GRIP2: variants seen among roughly 807,000 people sequenced by gnomAD.
GRIP2 encodes glutamate receptor-interacting protein 2.
Under a neutral mutation model 108.3 loss-of-function variants are expected in GRIP2, and 58 were observed. That is an observed-to-expected ratio of 0.54 (90% CI 0.43 to 0.67). The LOEUF (loss-of-function observed/expected upper bound fraction) is 0.67, where lower values mean the gene tolerates loss of function less well. GRIP2 is among the 30% of genes least tolerant of loss of function. The probability of loss-of-function intolerance (pLI) is 0.00; values close to 1 mark genes in which losing one functional copy is unlikely to be tolerated. For missense variants in GRIP2, 1,278 were observed against 1,430.6 expected (o/e 0.89, Z 1.72); for synonymous variants, 586 against 598.2 (o/e 0.98, Z 0.30).
chr3:14,570,049 G>C, the GRIP2 span, among the ~76,000 whole-genome samples: 1 of 152,164 alleles, frequency 6.6e-6, no homozygotes, highest in Non-Finnish European at 1.5e-5. Context: ...TCTGGGATTT[G>C]AACCCAGGCT....
upstream of GRIP2, among the ~76,000 whole-genome samples, chr3:14,559,487 T>C (rs1695286599): frequency 6.6e-6 from 1 of 150,516 alleles, no homozygotes; most frequent in Admixed American, 6.6e-5. Flanking sequence ...GATCCAGTAG[T>C]TTCTAATGGT....
chr3:14,516,170 G>T (rs1296894556), intron 11 of GRIP2, among the ~76,000 whole-genome samples: 1 of 152,118 alleles, frequency 6.6e-6, no homozygotes, highest in Non-Finnish European at 1.5e-5. Context: ...CACTTTGGTG[G>T]CCAGGAAAGG....
intron 11 of GRIP2, among the ~76,000 whole-genome samples, chr3:14,515,899 G>A (rs886645289): frequency 1.3e-5 from 2 of 151,948 alleles, no homozygotes; most frequent in Admixed American, 1.3e-4. Context: ...CCAAAGTGTG[G>A]GGATTACAGG....
the GRIP2 span, among the ~76,000 whole-genome samples, chr3:14,599,356 A>C: frequency 3.3e-4 from 51 of 152,340 alleles, 1 homozygote; most frequent in South Asian, 0.01. Context: ...GCCACACCAC[A>C]GGAAGAATCT....
In GRIP2 at chr3:14,520,543, A is replaced by G; in HGVS notation, c.713-6T>C. ...CGAAGCATTAGCCACCGTGTCTGGC[A>G]TGACGGAGAAAAAAAGTTTGAAATG... On this transcript the variant is annotated splice_region_variant and splice_polypyrimidine_tract_variant and intron_variant, in intron 7 of 23. Transcript: ENST00000621039. 5 of 1,613,568 alleles carry G rather than the reference A, an allele frequency of 3.1e-6. No individual in the cohort carries two copies. The highest frequency in any genetic ancestry group is 1.1e-5 in the South Asian group (1 of 91,076).
chr3:14,579,362 T>A, the GRIP2 span, among the ~76,000 whole-genome samples: 1 of 152,226 alleles, frequency 6.6e-6, no homozygotes, highest in Non-Finnish European at 1.5e-5. Flanking sequence ...CGTACTAAAC[T>A]GTACACTAAA....
the GRIP2 span, among the ~76,000 whole-genome samples, chr3:14,561,991 C>T: frequency 1.3e-5 from 2 of 152,154 alleles, no homozygotes; most frequent in Non-Finnish European, 2.9e-5. Flanking sequence ...ACCAAGGCTT[C>T]GAGGTGCTAA....
At position 14,518,893 on chromosome 3, in the gene GRIP2, G is replaced by A. The variant is rs141245551; in HGVS notation, c.1031-996C>T. Among the ~76,000 whole-genome samples the A allele has an allele frequency of 4.8e-3, 726 of 152,354 alleles. 4 individuals are homozygous for A. Among genetic ancestry groups the A allele is most frequent in the Non-Finnish European group, 7.6e-3 (519 of 68,028 alleles). On this transcript the variant is annotated intron_variant, in intron 9 of 23. Coordinates refer to ENST00000621039, the MANE Select transcript of GRIP2 (RefSeq NM_001080423.4). ...CCTCCTCGGGTAATGGGGAGGGTTA[G>A]AATGAGTTAATAATATAACATGCTT...
intron 1 of GRIP2, among the ~76,000 whole-genome samples, chr3:14,536,117 T>G (rs11705726): frequency 0.024 from 3,716 of 152,298 alleles, 74 homozygotes; most frequent in Middle Eastern, 0.051. Context: ...ATTTAAAAAT[T>G]TGAAGCCTCA....
chr3:14,568,158 G>T, the GRIP2 span, among the ~76,000 whole-genome samples: 4 of 152,202 alleles, frequency 2.6e-5, no homozygotes, highest in Non-Finnish European at 5.9e-5. Context: ...TGGGAGCCAT[G>T]GGAGGGTGTT....
chr3:14,525,241 G>T (rs776853975), intron 3 of GRIP2, among the ~76,000 whole-genome samples, 196 bp downstream of exon 3: 3 of 152,182 alleles, frequency 2.0e-5, no homozygotes, highest in Non-Finnish European at 2.9e-5. Flanking sequence ...TGGTGTAAAA[G>T]AAAAGAGAAG....
the GRIP2 span, among the ~76,000 whole-genome samples, chr3:14,592,687 C>T: frequency 5.9e-5 from 9 of 152,190 alleles, no homozygotes; most frequent in African/African-American, 1.7e-4. Flanking sequence ...CAACAAGCCA[C>T]GCTTCCCCTG....
At chr3:14,579,292 T>A in the GRIP2 span, among the ~76,000 whole-genome samples, 953 of 152,326 alleles carry the variant, frequency 6.3e-3, 6 homozygotes, top group African/African-American at 0.018. Flanking sequence ...CTGGTGGGAA[T>A]GTTCTAATTG....
chr3:14,580,860 C>A, the GRIP2 span, among the ~76,000 whole-genome samples: 1 of 152,188 alleles, frequency 6.6e-6, no homozygotes, highest in Non-Finnish European at 1.5e-5. Context: ...TTTTACCCTC[C>A]ACAATGTGGG....
intron 21 of GRIP2, among the ~76,000 whole-genome samples, chr3:14,499,752 A>C (rs1029150583): frequency 6.6e-6 from 1 of 152,106 alleles, no homozygotes; most frequent in Non-Finnish European, 1.5e-5. Context: ...TCTCGAAAAA[A>C]AGAAAAAAGA....
chr3:14,569,174 G>C, the GRIP2 span, among the ~76,000 whole-genome samples: 1 of 152,198 alleles, frequency 6.6e-6, no homozygotes, highest in African/African-American at 2.4e-5. Context: ...CAGTGGACTC[G>C]GGGCCTCCTT....
chr3:14,561,428 C>G, the GRIP2 span, among the ~76,000 whole-genome samples: 1 of 151,910 alleles, frequency 6.6e-6, no homozygotes, highest in African/African-American at 2.4e-5. Context: ...TTCTCGGTCC[C>G]AAGGCCCAGA....
intron 1 of GRIP2, 21 bp from the exon 2 acceptor site, chr3:14,525,952 A>G: frequency 6.5e-7 from 1 of 1,548,558 alleles, no homozygotes; most frequent in Non-Finnish European, 8.7e-7. Context: ...GAAAGAGGGA[A>G]AGGCCGAGTT....
rs1416887367 is a variant in GRIP2 at position 14,524,402 on chromosome 3, G to A, written c.394C>T (p.Pro132Ser). The A allele has an allele frequency of 6.2e-7, 1 of 1,610,102 alleles. No individual in the cohort carries two copies. The highest frequency in any genetic ancestry group is 8.5e-7 in the Non-Finnish European group (1 of 1,178,692). The change falls in exon 4 of 24, where the codon CCC (proline) becomes TCC (serine). Residue 132 changes from proline (P) to serine (S), a missense_variant. Transcript: ENST00000621039. ...RVVLEVEYEL[P>S]PPAPENNPRI... ...GTCCAAGGGCACCCACCGGGCGGGG[G>A]CAGCTCATACTCCACCTCCAGCACC...
Sources: gnomAD v4.1 joint callset for allele counts (sites outside exome capture counted in the v4.1 genomes callset) on GRCh38, gnomAD v4.1.1 for gene constraint, MANE v1.5 for transcripts, NCBI Gene and HGNC (gene_info 2026-07-23, HGNC 2026-07-21) for gene names.